MACROD2: variants seen among roughly 807,000 people sequenced by gnomAD.
MACROD2 encodes ADP-ribose glycohydrolase MACROD2.
MACROD2 carries 36 observed loss-of-function variants against 70.4 expected under a neutral mutation model. That is an observed-to-expected ratio of 0.51 (90% CI 0.39 to 0.68). The LOEUF (loss-of-function observed/expected upper bound fraction) is 0.68. Among genes scored for constraint, MACROD2 ranks in the 30% least tolerant of loss-of-function variants. The pLI, the probability that MACROD2 is intolerant of heterozygous loss-of-function variation, is 0.00. For synonymous variants in MACROD2, 172 were observed against 178.8 expected (o/e 0.96, Z 0.30); for missense variants, 496 against 538.4 (o/e 0.92, Z 0.78).
At chr20:14,387,094 C>T (rs899680865) in intron 3 of MACROD2, among the ~76,000 whole-genome samples, 2 of 152,198 alleles carry the variant, frequency 1.3e-5, no homozygotes, top group African/African-American at 2.4e-5. Context: ...TAGTTTTCTT[C>T]AGCTTTTTCA....
At chr20:14,434,058 A>C (rs1419989223) in intron 3 of MACROD2, among the ~76,000 whole-genome samples, 2 of 152,174 alleles carry the variant, frequency 1.3e-5, no homozygotes, top group Non-Finnish European at 2.9e-5. Flanking sequence ...GGCTGGTCTT[A>C]GTTTTAGTCA....
At chr20:15,759,297 A>G (rs566358037) in intron 8 of MACROD2, among the ~76,000 whole-genome samples, 9 of 152,158 alleles carry the variant, frequency 5.9e-5, no homozygotes, top group Non-Finnish European at 1.0e-4. Flanking sequence ...AAAAAAGAAA[A>G]AAGACAATAT....
chr20:14,273,019 A>C (rs1265925169), intron 3 of MACROD2, among the ~76,000 whole-genome samples: 1 of 151,510 alleles, frequency 6.6e-6, no homozygotes, highest in African/African-American at 2.4e-5. Context: ...CTACAAAGAG[A>C]CTTAGACTCC....
rs566931609 is a variant in MACROD2 at position 14,094,503 on chromosome 20, T to C, written c.271+8775T>C. Among the ~76,000 whole-genome samples, 27 of 152,320 alleles carry C rather than the reference T, an allele frequency of 1.8e-4. No individual in the cohort carries two copies. In the East Asian group the frequency reaches 5.2e-3, roughly 29 times the overall value. On this transcript the variant is annotated intron_variant, in intron 3 of 17. Transcript: ENST00000684519. ...CTTTTTCTTGAAGTAATGGGCCCTT[T>C]TTTGATCCTTGTTTTCCTGGATCTC...
chr20:15,413,993 G>A (rs78217278), intron 6 of MACROD2, among the ~76,000 whole-genome samples: 5,507 of 152,182 alleles, frequency 0.036, 152 homozygotes, highest in South Asian at 0.14. Flanking sequence ...CCAAGTAACC[G>A]AAGTCAAATG....
rs566811659 is a variant in MACROD2 at position 15,828,592 on chromosome 20, G to T, written c.646-34153G>T. 5.3e-5 allele frequency among the ~76,000 whole-genome samples: 8 copies of T among 152,268 alleles called. No individual in the cohort carries two copies. In the South Asian group the frequency reaches 1.7e-3, roughly 32 times the overall value. Reference sequence around the variant, plus strand: ...GTTGGATGAGTTTGTAATTCCACATGCAAAAGCTAAAATATTTTCACGGTG... The same window carrying T: ...GTTGGATGAGTTTGTAATTCCACATTCAAAAGCTAAAATATTTTCACGGTG... On this transcript the variant is annotated intron_variant, in intron 8 of 17. Transcript: ENST00000684519.
intron 8 of MACROD2, among the ~76,000 whole-genome samples, chr20:15,520,955 A>C (rs949263429): frequency 2.0e-5 from 3 of 152,256 alleles, no homozygotes; most frequent in African/African-American, 7.2e-5. Flanking sequence ...AACTTCAGCC[A>C]GCCTTTCATT....
intron 3 of MACROD2, among the ~76,000 whole-genome samples, chr20:14,328,138 T>G (rs2082768980): frequency 6.6e-6 from 1 of 152,128 alleles, no homozygotes; most frequent in South Asian, 2.1e-4. Flanking sequence ...TTGCTTTGAT[T>G]ATTAATGTCA....
At chr20:14,932,630 A>G (rs1328534589) in intron 5 of MACROD2, among the ~76,000 whole-genome samples, 2 of 152,210 alleles carry the variant, frequency 1.3e-5, no homozygotes, top group African/African-American at 2.4e-5. Context: ...CAGTCACACA[A>G]TCTCAGCTCA....
chr20:14,534,195 C>G (rs17227083), intron 4 of MACROD2, among the ~76,000 whole-genome samples: 1 of 152,094 alleles, frequency 6.6e-6, no homozygotes, highest in Non-Finnish European at 1.5e-5. Flanking sequence ...CCGTCAGATT[C>G]GAGCGTTGCT....
intron 4 of MACROD2, among the ~76,000 whole-genome samples, chr20:14,593,988 G>C (rs1442836472): frequency 6.6e-6 from 1 of 152,158 alleles, no homozygotes; most frequent in South Asian, 2.1e-4. Flanking sequence ...GGCATGACTA[G>C]TAGATAGGGC....
intron 5 of MACROD2, among the ~76,000 whole-genome samples, chr20:14,994,315 G>A (rs891157838): frequency 2.0e-5 from 3 of 152,134 alleles, no homozygotes; most frequent in Non-Finnish European, 4.4e-5. Flanking sequence ...AACAGGAGCT[G>A]TGGGCTTCAA....
chr20:15,642,408 TG>T (rs1157965566), intron 8 of MACROD2, among the ~76,000 whole-genome samples: 3 of 152,182 alleles, frequency 2.0e-5, no homozygotes, highest in Non-Finnish European at 4.4e-5. Flanking sequence ...GCCTGTTAGG[TG>T]GTTTTCGAAT....
At chr20:14,543,786 A>G (rs982019848) in intron 4 of MACROD2, among the ~76,000 whole-genome samples, 1 of 152,200 alleles carries the variant, frequency 6.6e-6, no homozygotes, top group African/African-American at 2.4e-5. Flanking sequence ...TTTGAAGCAC[A>G]AGTCCTTCTC....
intron 5 of MACROD2, among the ~76,000 whole-genome samples, chr20:15,176,956 A>C (rs919414418): frequency 3.3e-5 from 5 of 152,148 alleles, no homozygotes; most frequent in Admixed American, 1.3e-4. Flanking sequence ...ACACAGCAGA[A>C]GCTGTGTGCA....
intron 7 of MACROD2, among the ~76,000 whole-genome samples, chr20:15,490,779 C>T (rs1406850586): frequency 6.6e-6 from 1 of 152,150 alleles, no homozygotes; most frequent in African/African-American, 2.4e-5. Flanking sequence ...TGAAAGGAAG[C>T]AGTGTATCAA....
At chr20:14,908,688 A>C (rs1177995454) in intron 5 of MACROD2, among the ~76,000 whole-genome samples, 2 of 152,130 alleles carry the variant, frequency 1.3e-5, no homozygotes, top group African/African-American at 4.8e-5. Flanking sequence ...GTGTATCTTC[A>C]GAGTGAACCC....
intron 8 of MACROD2, among the ~76,000 whole-genome samples, chr20:15,579,565 T>A (rs1250713586): frequency 6.6e-6 from 1 of 152,226 alleles, no homozygotes; most frequent in Non-Finnish European, 1.5e-5. Context: ...GCCCTCAGGA[T>A]GTGTTTGTGG....
chr20:14,930,118 C>T (rs191480765), intron 5 of MACROD2, among the ~76,000 whole-genome samples: 1,664 of 144,602 alleles, frequency 0.012, 20 homozygotes, highest in Non-Finnish European at 0.017. Flanking sequence ...GCCGAGATTG[C>T]GCCACTGCAC....
Sources: allele counts gnomAD v4.1 joint callset (sites outside exome capture counted in the v4.1 genomes callset), GRCh38; gene constraint gnomAD v4.1.1; transcripts MANE v1.5; gene names NCBI Gene and HGNC (gene_info 2026-07-23, HGNC 2026-07-21).